The following PTPRD variants were observed in gnomAD, a reference collection of about 807,000 sequenced individuals.
The protein encoded by PTPRD is receptor-type tyrosine-protein phosphatase delta.
PTPRD carries 34 observed loss-of-function variants against 214.5 expected under a neutral mutation model. That is an observed-to-expected ratio of 0.16 (90% CI 0.12 to 0.21). The LOEUF (loss-of-function observed/expected upper bound fraction) is 0.21, where lower values mean the gene tolerates loss of function less well. Ranked by LOEUF, PTPRD falls within the 10% of genes least tolerant of loss-of-function variation. The probability of loss-of-function intolerance (pLI) is 1.00; values close to 1 mark genes in which losing one functional copy is unlikely to be tolerated. For synonymous variants in PTPRD, 1,128 were observed against 845.7 expected (o/e 1.33, Z -5.79); for missense variants, 2,545 against 2,398.7 (o/e 1.06, Z -1.27).
At chr9:9,861,560 A>C (rs2062782649) in intron 5 of PTPRD, among the ~76,000 whole-genome samples, 1 of 152,200 alleles carries the variant, frequency 6.6e-6, no homozygotes, top group Non-Finnish European at 1.5e-5. Context: ...AAAGTGCTGG[A>C]TTACTGGCGT....
chr9:9,114,140 A>C (rs1331183020), intron 10 of PTPRD, among the ~76,000 whole-genome samples: 1 of 152,176 alleles, frequency 6.6e-6, no homozygotes, highest in Non-Finnish European at 1.5e-5. Flanking sequence ...AAGTTTAGTC[A>C]ATGCAAACAA....
At chr9:8,558,381 G>A (rs2084827187) in intron 14 of PTPRD, among the ~76,000 whole-genome samples, 2 of 152,116 alleles carry the variant, frequency 1.3e-5, no homozygotes, top group Non-Finnish European at 2.9e-5. Context: ...AGCAGTAACA[G>A]ACTCTCCCTC....
intron 3 of PTPRD, among the ~76,000 whole-genome samples, chr9:10,071,726 G>C (rs946067996): frequency 2.0e-5 from 3 of 151,890 alleles, no homozygotes; most frequent in Non-Finnish European, 4.4e-5. Context: ...TTGGTGATGA[G>C]TGTTTAGGTA....
At chr9:9,967,685 A>C (rs1367691498) in intron 4 of PTPRD, among the ~76,000 whole-genome samples, 4 of 152,154 alleles carry the variant, frequency 2.6e-5, no homozygotes, top group Admixed American at 6.5e-5. Flanking sequence ...GAGAAGTTTA[A>C]GCATCCCATG....
chr9:9,350,188 C>T (rs554513740), intron 9 of PTPRD, among the ~76,000 whole-genome samples: 246 of 152,156 alleles, frequency 1.6e-3, no homozygotes, highest in African/African-American at 5.8e-3. Flanking sequence ...AAATGTTCCT[C>T]TCCTGAACAA....
At chr9:9,380,734 C>T (rs1479484424) in intron 9 of PTPRD, among the ~76,000 whole-genome samples, 2 of 152,036 alleles carry the variant, frequency 1.3e-5, no homozygotes, top group East Asian at 3.9e-4. Context: ...TATGTACTTG[C>T]CGTTTTTCTA....
At chr9:9,573,105 T>C (rs2087067956) in intron 8 of PTPRD, among the ~76,000 whole-genome samples, 1 of 151,706 alleles carries the variant, frequency 6.6e-6, no homozygotes, top group Non-Finnish European at 1.5e-5. Flanking sequence ...CTTAAGTTAC[T>C]ATCAATATTA....
chr9:10,097,964 A>G (rs2098509278), intron 3 of PTPRD, among the ~76,000 whole-genome samples: 1 of 151,858 alleles, frequency 6.6e-6, no homozygotes, highest in African/African-American at 2.4e-5. Context: ...AACTTGAAAT[A>G]CCATTTGACC....
intron 3 of PTPRD, among the ~76,000 whole-genome samples, chr9:10,256,022 C>A (rs188160725): frequency 6.6e-6 from 1 of 152,260 alleles, no homozygotes; most frequent in East Asian, 1.9e-4. Context: ...TCAGCAGCAG[C>A]ATTAGATTAT....
intron 5 of PTPRD, among the ~76,000 whole-genome samples, chr9:9,858,584 C>G (rs552823120): frequency 1.2e-4 from 19 of 152,216 alleles, no homozygotes; most frequent in African/African-American, 4.1e-4. Context: ...GCAGATGACT[C>G]AGAACATGAA....
chr9:9,540,271 T>TA (rs1352694108), intron 8 of PTPRD, among the ~76,000 whole-genome samples: 1 of 151,736 alleles, frequency 6.6e-6, no homozygotes, highest in Non-Finnish European at 1.5e-5. Flanking sequence ...TTTTACTACG[T>TA]AAACACTGAG....
At chr9:9,077,604 G>A (rs1242996347) in intron 10 of PTPRD, among the ~76,000 whole-genome samples, 7 of 151,932 alleles carry the variant, frequency 4.6e-5, no homozygotes, top group African/African-American at 1.2e-4. Flanking sequence ...AACTAATAGC[G>A]GAGAGTGTCA....
intron 12 of PTPRD, among the ~76,000 whole-genome samples, chr9:8,661,828 T>C (rs1030534519): frequency 1.3e-5 from 2 of 152,222 alleles, no homozygotes; most frequent in South Asian, 4.1e-4. Context: ...CTCCTCCTGG[T>C]TAATTCTAAA....
chr9:9,545,683 C>A (rs368472700), intron 8 of PTPRD, among the ~76,000 whole-genome samples: 2 of 151,942 alleles, frequency 1.3e-5, no homozygotes, highest in East Asian at 3.9e-4. Flanking sequence ...TCTGTTCTTT[C>A]ATCAGTATCA....
At chr9:8,783,069 CCCA>C (rs2095800801) in intron 11 of PTPRD, among the ~76,000 whole-genome samples, 1 of 152,136 alleles carries the variant, frequency 6.6e-6, no homozygotes, top group Admixed American at 6.5e-5. Flanking sequence ...AATTCAACAA[CCCA>C]CCACAAGAAG....
At chr9:8,621,307 G>C (rs1456581992) in intron 14 of PTPRD, among the ~76,000 whole-genome samples, 1 of 151,928 alleles carries the variant, frequency 6.6e-6, no homozygotes, top group Non-Finnish European at 1.5e-5. Context: ...AATCAATGCT[G>C]TTAGCATATA....
At chr9:10,246,516 G>C (rs570555056) in intron 3 of PTPRD, among the ~76,000 whole-genome samples, 37 of 152,228 alleles carry the variant, frequency 2.4e-4, no homozygotes, top group African/African-American at 8.4e-4. Context: ...AGTCCTGGGG[G>C]TGCGGTGTGA....
intron 2 of PTPRD, among the ~76,000 whole-genome samples, chr9:10,525,733 T>TGTGTGG (rs1041041773): frequency 6.6e-6 from 1 of 151,034 alleles, no homozygotes; most frequent in African/African-American, 2.4e-5. Context: ...TCAAAGTGTG[T>TGTGTGG]GTGTGTGTGT....
chr9:8,920,726 C>A (rs757042231), intron 11 of PTPRD, among the ~76,000 whole-genome samples: 1 of 152,186 alleles, frequency 6.6e-6, no homozygotes, highest in African/African-American at 2.4e-5. Flanking sequence ...AGCATTTACA[C>A]GCAATTGATA....
Sources: gnomAD v4.1 joint callset for allele counts (sites outside exome capture counted in the v4.1 genomes callset) on GRCh38, gnomAD v4.1.1 for gene constraint, MANE v1.5 for transcripts, NCBI Gene and HGNC (gene_info 2026-07-23, HGNC 2026-07-21) for gene names.